TDRD12: variants seen among roughly 807,000 people sequenced by gnomAD.
The protein encoded by TDRD12 is putative ATP-dependent RNA helicase TDRD12.
Under a neutral mutation model 133.5 loss-of-function variants are expected in TDRD12, and 158 were observed. That is an observed-to-expected ratio of 1.18 (90% confidence interval 1.04 to 1.35). TDRD12 has a LOEUF of 1.35. TDRD12 is among the 40% of genes most tolerant of loss of function. TDRD12 has a pLI of 0.00. For synonymous variants in TDRD12, 460 were observed against 477.9 expected (o/e 0.96, Z 0.49); for missense variants, 1,443 against 1,321.3 (o/e 1.09, Z -1.43).
rs114716597 is a variant in TDRD12 at position 32,769,963 on chromosome 19, G to A, written c.866-2790G>A. 9.8e-3 allele frequency among the ~76,000 whole-genome samples: 1,481 copies of A among 150,660 alleles called. 25 individuals carry two copies. Among genetic ancestry groups the A allele is most frequent in the African/African-American group, 0.035 (1,419 of 40,980 alleles). The stretch of plus-strand genomic sequence containing the variant: ...GTTGTGATTTAATATATATTTGGAC[G>A]TCTTTTCATCATCTCATTTTGTGGG... On this transcript the variant is annotated intron_variant, in intron 8 of 27. Transcript: ENST00000444215.
At chr19:32,745,964 C>G (rs866976672) in intron 4 of TDRD12, among the ~76,000 whole-genome samples, 86 of 127,052 alleles carry the variant, frequency 6.8e-4, no homozygotes, top group Middle Eastern at 5.2e-3. Context: ...GAGAGAGAGA[C>G]TGGCTGATGT....
At chr19:32,748,916 G>A (rs1467821549) in intron 5 of TDRD12, among the ~76,000 whole-genome samples, 1 of 152,210 alleles carries the variant, frequency 6.6e-6, no homozygotes, top group Admixed American at 6.5e-5. Flanking sequence ...GATATTTATT[G>A]TGTAATATTC....
rs1301453470 is a variant in TDRD12 at position 32,738,911 on chromosome 19, C to G, written c.239C>G (p.Ser80Ter). 1 of 1,551,464 alleles carries G rather than the reference C, an allele frequency of 6.4e-7. No individual in the cohort carries two copies. Among genetic ancestry groups the G allele is most frequent in the Non-Finnish European group, 8.7e-7 (1 of 1,147,002 alleles). ...TGCTGGTGCAGGGCCATTGTCAAATCAATTACGTCTTCCGCAGACCAGTAC... is the reference window on the plus strand; with the variant it reads ...TGCTGGTGCAGGGCCATTGTCAAATGAATTACGTCTTCCGCAGACCAGTAC... The change falls in exon 3 of 28, where the codon TCA (serine) becomes TGA (stop). Residue 80 changes from serine (S) to a stop codon, truncating the protein, a stop_gained. Coordinates refer to ENST00000444215, the Ensembl canonical transcript of TDRD12. LOFTEE classifies it high-confidence loss of function.
intron 4 of TDRD12, among the ~76,000 whole-genome samples, chr19:32,746,661 A>G (rs1298594256): frequency 7.0e-6 from 1 of 142,836 alleles, no homozygotes; most frequent in East Asian, 2.2e-4. Flanking sequence ...TGTGTGACAG[A>G]GGGGGAGAGA....
chr19:32,826,231 T>A, downstream of TDRD12: 10 of 1,484,722 alleles, frequency 6.7e-6, no homozygotes, highest in Non-Finnish European at 8.9e-6. Context: ...TGCGCAGGTC[T>A]TTCTTCTTCT....
chr19:32,757,145 TGTG>T lies in TDRD12; in HGVS notation c.865+18_865+20del. 1 of 1,543,276 alleles carries T rather than the reference TGTG, an allele frequency of 6.5e-7. No individual in the cohort carries two copies. Among genetic ancestry groups the T allele is most frequent in the Non-Finnish European group, 8.8e-7 (1 of 1,139,442 alleles). ...CACAGCACAGGGTGAGTTCTGCTAA[TGTG>T]GTTTATTTCATAGGCAGCATGAAAA... On this transcript the variant is annotated intron_variant, in intron 8 of 27. Coordinates refer to ENST00000444215, the Ensembl canonical transcript of TDRD12.
At position 32,785,227 on chromosome 19, in the gene TDRD12, C is replaced by T. The variant is rs149299854; in HGVS notation, c.1122-5304C>T. On this transcript the variant is annotated intron_variant, in intron 11 of 27. Transcript: ENST00000444215. ...TTCATTTCATTATGTATCCAGTAGT[C>T]ATTCAGGAGCAGGTTGTTCAGCTTC... Among the ~76,000 whole-genome samples the T allele has an allele frequency of 4.2e-3, 642 of 152,300 alleles. 2 individuals are homozygous for T. Among genetic ancestry groups the T allele is most frequent in the African/African-American group, 0.014 (587 of 41,556 alleles).
intron 11 of TDRD12, among the ~76,000 whole-genome samples, chr19:32,789,491 C>G (rs1411300220): frequency 6.6e-6 from 1 of 152,146 alleles, no homozygotes; most frequent in Non-Finnish European, 1.5e-5. Flanking sequence ...TTTGCCTGTT[C>G]AGGACATTTC....
chr19:32,749,807 T>G (rs1283898774), exon 6 of TDRD12: 1 of 1,550,668 alleles, frequency 6.4e-7, no homozygotes, highest in Non-Finnish European at 8.7e-7. Context: ...GGAAGCCAGA[T>G]TATGTGCTGT....
intron 19 of TDRD12, 100 bp from the exon 20 acceptor site, chr19:32,802,556 G>A (rs1971429018): frequency 7.5e-7 from 1 of 1,327,170 alleles, no homozygotes; most frequent in Admixed American, 2.8e-5. Context: ...AAAGTAAAAT[G>A]TGATATGGAA....
At position 32,811,683 on chromosome 19, in the gene TDRD12, C is replaced by A. The variant is rs80153695; in HGVS notation, c.3048+263C>A. ...TAGGGATGTTGGTAAAATAAACTGC[C>A]CCTCAGCCTAAGCAGGGGAAGCACC... On this transcript the variant is annotated intron_variant, in intron 24 of 27. Transcript: ENST00000444215. 5.7e-3 allele frequency among the ~76,000 whole-genome samples: 873 copies of A among 152,208 alleles called. 9 individuals carry two copies. The highest frequency in any genetic ancestry group is 0.02 in the African/African-American group (822 of 41,516).
rs567589070 is a variant in TDRD12 at position 32,725,363 on chromosome 19, C to A, written c.24+5267C>A. Among the ~76,000 whole-genome samples the A allele has an allele frequency of 5.9e-5, 9 of 151,538 alleles. No homozygotes were observed. In the East Asian group the frequency reaches 1.2e-3, roughly 20 times the overall value. On this transcript the variant is annotated intron_variant, in intron 1 of 27. Transcript: ENST00000444215. ...ATAGTTTTAGGTTTTACATTTAAGT[C>A]TTTAATCTATATTGAGTTAATTTTT...
At chr19:32,821,657 C>T (rs11878952), downstream of TDRD12, among the ~76,000 whole-genome samples, 1,606 of 152,284 alleles carry the variant, frequency 0.011, 41 homozygotes, top group African/African-American at 0.037. Context: ...GGATTATAGG[C>T]GTGAGCCACT....
intron 11 of TDRD12, among the ~76,000 whole-genome samples, chr19:32,787,934 C>T (rs763686143): frequency 7.9e-5 from 12 of 152,106 alleles, no homozygotes; most frequent in Non-Finnish European, 1.2e-4. Context: ...TCACCCTCCA[C>T]GGGCTGCACC....
chr19:32,722,166 C>T (rs1429912664), intron 1 of TDRD12, among the ~76,000 whole-genome samples: 1 of 152,176 alleles, frequency 6.6e-6, no homozygotes, highest in Non-Finnish European at 1.5e-5. Context: ...AGGCGAGCTC[C>T]TCTCCTCCAG....
At chr19:32,811,415 C>T in exon 24 of TDRD12, 2 of 1,535,962 alleles carry the variant, frequency 1.3e-6, no homozygotes, top group Middle Eastern at 1.7e-4. Context: ...AGAATGGAAT[C>T]CGAAGGTGGG....
chr19:32,803,078 G>A lies in TDRD12; in HGVS notation c.2488G>A (p.Ala830Thr), dbSNP rs767965145. The stretch of plus-strand genomic sequence containing the variant: ...CGAGTTCACCGCAGGAGTTCTGGAA[G>A]CCAAAGAAGATAAGAAAGCCGGAAG... The change falls in exon 21 of 28, where the codon GCC becomes ACC. Residue 830 changes from alanine (A) to threonine (T), a missense_variant. Physicochemically the swap from Ala to Thr is moderately conservative, Grantham distance 58. Transcript: ENST00000444215. 5.9e-6 allele frequency: 9 copies of A among 1,535,904 alleles called. No homozygotes were observed. The South Asian group carries it at 1.1e-4, about 18-fold the overall frequency.
intron 10 of TDRD12, 73 bp from the exon 11 acceptor site, chr19:32,777,076 C>G (rs770497818): frequency 1.1e-5 from 10 of 936,640 alleles, no homozygotes; most frequent in African/African-American, 1.7e-5. Context: ...TTATTTTTGT[C>G]GAGATGGGGA....
chr19:32,804,760 G>A (rs1217534347), intron 21 of TDRD12, among the ~76,000 whole-genome samples: 2 of 151,864 alleles, frequency 1.3e-5, no homozygotes, highest in Non-Finnish European at 2.9e-5. Flanking sequence ...GGAGGCTGAG[G>A]CAGGAGAATC....
Sources: gnomAD v4.1 joint callset for allele counts (sites outside exome capture counted in the v4.1 genomes callset) on GRCh38, gnomAD v4.1.1 for gene constraint, MANE v1.5 for transcripts, NCBI Gene and HGNC (gene_info 2026-07-23, HGNC 2026-07-21) for gene names.